GMPR: variants seen among roughly 807,000 people sequenced by gnomAD.
GMPR encodes guanosine monophosphate reductase, also known as GMP reductase 1.
In GMPR, 31 loss-of-function variants were observed where a neutral mutation model predicts 38.4. The observed-to-expected ratio is 0.81, with a 90% CI of 0.61 to 1.09. The LOEUF (loss-of-function observed/expected upper bound fraction) is 1.09, where lower values mean the gene tolerates loss of function less well. Ranked by LOEUF, GMPR falls within the 50% of genes least tolerant of loss-of-function variation. GMPR has a pLI of 0.00. For synonymous variants in GMPR, 162 were observed against 173.3 expected, an observed-to-expected ratio of 0.93 and a Z score of 0.51; for missense variants, 468 against 453.7, an observed-to-expected ratio of 1.03 and a Z score of -0.29.
At chr6:16,286,408 T>C (rs1303466852) in intron 7 of GMPR, among the ~76,000 whole-genome samples, 1 of 151,910 alleles carries the variant, frequency 6.6e-6, no homozygotes, top group Non-Finnish European at 1.5e-5. Flanking sequence ...GAGCCATGTG[T>C]TGGCCATAGA....
chr6:16,240,659 A>G (rs939933161), intron 1 of GMPR, among the ~76,000 whole-genome samples: 18 of 152,152 alleles, frequency 1.2e-4, no homozygotes, highest in Admixed American at 1.2e-3. Flanking sequence ...AATAGAATGA[A>G]TTACTCCTTC....
chr6:16,265,554 C>T (rs778044702), intron 4 of GMPR, among the ~76,000 whole-genome samples: 1 of 152,178 alleles, frequency 6.6e-6, no homozygotes, highest in Non-Finnish European at 1.5e-5. Flanking sequence ...TCAGTCAGTG[C>T]TCTGTGTCTA....
At chr6:16,294,899 G>C (rs1272178229) in intron 8 of GMPR, 107 bp from the exon 9 acceptor site, 1 of 832,736 alleles carries the variant, frequency 1.2e-6, no homozygotes, top group Non-Finnish European at 1.9e-6. Flanking sequence ...CTGGTTTTCT[G>C]AGTGCCTTGG....
At chr6:16,259,910 G>C (rs9800859) in intron 4 of GMPR, among the ~76,000 whole-genome samples, 1 of 148,520 alleles carries the variant, frequency 6.7e-6, no homozygotes, top group Non-Finnish European at 1.5e-5. Flanking sequence ...AGTGTAAACC[G>C]GCAGTGTAAA....
intron 4 of GMPR, among the ~76,000 whole-genome samples, chr6:16,268,009 C>T (rs979633568): frequency 6.6e-6 from 1 of 152,190 alleles, no homozygotes; most frequent in Non-Finnish European, 1.5e-5. Context: ...CACAGAGAGG[C>T]GGACACATTG....
chr6:16,290,754 C>G (rs552556509), intron 8 of GMPR, 133 bp downstream of exon 8: 9 of 719,046 alleles, frequency 1.3e-5, no homozygotes, highest in African/African-American at 8.9e-5. Flanking sequence ...TTTAAAGACC[C>G]CTAATTTGTA....
At chr6:16,273,015 T>C (rs1759412063) in intron 4 of GMPR, among the ~76,000 whole-genome samples, 1 of 152,200 alleles carries the variant, frequency 6.6e-6, no homozygotes, top group Non-Finnish European at 1.5e-5. Context: ...TTCACTTTTA[T>C]GCTTATTGAA....
intron 3 of GMPR, among the ~76,000 whole-genome samples, chr6:16,253,062 C>A (rs545856145): frequency 1.3e-5 from 2 of 152,282 alleles, no homozygotes; most frequent in Non-Finnish European, 2.9e-5. Flanking sequence ...AAGTCCTTGC[C>A]CAAGGGGCAG....
intron 2 of GMPR, among the ~76,000 whole-genome samples, chr6:16,249,494 A>C (rs1372230818): frequency 6.6e-6 from 1 of 152,024 alleles, no homozygotes; most frequent in African/African-American, 2.4e-5. Flanking sequence ...GATTTGTTTT[A>C]TGTTTTTTAA....
At chr6:16,288,385 G>A (rs1435046567) in intron 7 of GMPR, among the ~76,000 whole-genome samples, 4 of 152,228 alleles carry the variant, frequency 2.6e-5, no homozygotes, top group African/African-American at 7.2e-5. Context: ...GGCAATGAGA[G>A]GCTTAGCACC....
chr6:16,282,211 G>T (rs1207489708), intron 6 of GMPR, among the ~76,000 whole-genome samples: 3 of 152,232 alleles, frequency 2.0e-5, no homozygotes, highest in East Asian at 3.8e-4. Context: ...GGCTTCAGTC[G>T]TGTTTCTGTT....
intron 5 of GMPR, among the ~76,000 whole-genome samples, chr6:16,276,746 A>C (rs925165913): frequency 4.6e-5 from 7 of 152,182 alleles, no homozygotes; most frequent in African/African-American, 1.7e-4. Context: ...TGCATATTAC[A>C]TATCTAAATG....
At chr6:16,238,834 CG>C in intron 1 of GMPR, 54 bp downstream of exon 1, 2 of 1,002,626 alleles carry the variant, frequency 2.0e-6, no homozygotes, top group Admixed American at 2.5e-5. Flanking sequence ...CCGGGTGGCG[CG>C]GGGCAAGTGG....
intron 6 of GMPR, among the ~76,000 whole-genome samples, chr6:16,279,609 TAGAG>T (rs1759541242): frequency 6.6e-6 from 1 of 152,084 alleles, no homozygotes; most frequent in African/African-American, 2.4e-5. Context: ...TGGAGTGTAA[TAGAG>T]AGAGCTGATG....
At chr6:16,267,607 C>G (rs902497330) in intron 4 of GMPR, among the ~76,000 whole-genome samples, 4 of 151,940 alleles carry the variant, frequency 2.6e-5, no homozygotes, top group African/African-American at 4.8e-5. Flanking sequence ...TCCGGACACG[C>G]CATCTTTTAA....
At chr6:16,280,447 T>G (rs1024979391) in intron 6 of GMPR, among the ~76,000 whole-genome samples, 26 of 152,212 alleles carry the variant, frequency 1.7e-4, no homozygotes, top group African/African-American at 6.3e-4. Flanking sequence ...GGTCAAAGGT[T>G]TATTGGTTAA....
intron 4 of GMPR, among the ~76,000 whole-genome samples, chr6:16,266,296 G>A (rs1028536681): frequency 3.3e-5 from 5 of 150,874 alleles, no homozygotes; most frequent in African/African-American, 1.2e-4. Flanking sequence ...TGAAGTCAGT[G>A]TAGACCATGA....
At position 16,246,892 on chromosome 6, in the gene GMPR, A is replaced by G. The variant is rs1265127367; in HGVS notation, c.138A>G (p.Ser46=). 4 of 1,613,638 alleles carry G rather than the reference A, an allele frequency of 2.5e-6. No individual in the cohort carries two copies. Among genetic ancestry groups the G allele is most frequent in the East Asian group, 2.2e-5 (1 of 44,876 alleles). Residue 46 remains serine (S), a synonymous_variant, in exon 2 of 9, where the codon TCA becomes TCG. Transcript: ENST00000259727. ...FTFRNSKQTY[S]GIPIIVANMD... Reference sequence around the variant, plus strand: ...TTCGAAATTCAAAGCAGACCTACTCAGGGATTCCCATCATCGTGGCCAACA... The same window carrying G: ...TTCGAAATTCAAAGCAGACCTACTCGGGGATTCCCATCATCGTGGCCAACA...
chr6:16,246,503 G>A (rs1758757792), intron 1 of GMPR, among the ~76,000 whole-genome samples: 1 of 152,222 alleles, frequency 6.6e-6, no homozygotes, highest in Non-Finnish European at 1.5e-5. Flanking sequence ...GGTTGGCAAG[G>A]AAGAGTGGAG....
Sources: allele counts gnomAD v4.1 joint callset (sites outside exome capture counted in the v4.1 genomes callset), GRCh38; gene constraint gnomAD v4.1.1; transcripts MANE v1.5; gene names NCBI Gene and HGNC (gene_info 2026-07-23, HGNC 2026-07-21).